The following DHX32 variants were observed in gnomAD, a reference collection of about 807,000 sequenced individuals.
DHX32 encodes DEAH-box helicase 32 (putative).
Under a neutral mutation model 70.0 loss-of-function variants are expected in DHX32, and 51 were observed. That is an observed-to-expected ratio of 0.73 (90% CI 0.58 to 0.92). DHX32 has a LOEUF of 0.92. Among genes scored for constraint, DHX32 ranks in the 40% least tolerant of loss-of-function variants. The pLI is 0.00. For synonymous variants in DHX32, 310 were observed against 315.3 expected, an observed-to-expected ratio of 0.98 and a Z score of 0.18; for missense variants, 762 against 891.8, an observed-to-expected ratio of 0.85 and a Z score of 1.85.
intron 6 of DHX32, among the ~76,000 whole-genome samples, chr10:125,847,857 G>A (rs1378687080): frequency 6.6e-6 from 1 of 151,938 alleles, no homozygotes; most frequent in African/African-American, 2.4e-5. Flanking sequence ...TTCATAATAG[G>A]GTTCGAGCTC....
intron 6 of DHX32, among the ~76,000 whole-genome samples, chr10:125,846,538 T>C (rs1332740743): frequency 1.3e-5 from 2 of 152,196 alleles, no homozygotes; most frequent in Non-Finnish European, 2.9e-5. Context: ...CAGGCACACA[T>C]CTGGGACAGC....
intron 6 of DHX32, among the ~76,000 whole-genome samples, chr10:125,847,871 C>T (rs1026876263): frequency 1.5e-4 from 23 of 152,146 alleles, no homozygotes; most frequent in South Asian, 4.2e-4. Flanking sequence ...CGAGCTCCTA[C>T]GAGAATCCAG....
rs571929672 is a variant in DHX32 at position 125,871,062 on chromosome 10, A to C, written c.283-3879T>G. Among the ~76,000 whole-genome samples, 50 of 152,346 alleles carry C rather than the reference A, an allele frequency of 3.3e-4. No individual in the cohort carries two copies. The South Asian group carries it at 9.7e-3, about 30-fold the overall frequency. On this transcript the variant is annotated intron_variant, in intron 1 of 10. Coordinates refer to ENST00000284690, the MANE Select transcript of DHX32 (RefSeq NM_018180.3). ...AACTCTAAAATTCGACAAGATTCCA[A>C]TGATCATGAGCCATGTTCTCAAGCT...
At chr10:125,879,159 G>T (rs980574437) in intron 1 of DHX32, among the ~76,000 whole-genome samples, 1 of 150,684 alleles carries the variant, frequency 6.6e-6, no homozygotes, top group African/African-American at 2.4e-5. Context: ...GGGTAGCTGG[G>T]ACCACAGGCA....
rs183265954 is a variant in DHX32 at position 125,855,136 on chromosome 10, C to T, written c.850-933G>A. Among the ~76,000 whole-genome samples the T allele has an allele frequency of 1.6e-4, 24 of 151,304 alleles. 1 individual carries two copies. The highest frequency in any genetic ancestry group is 5.6e-4 in the African/African-American group (23 of 41,268). ...ACTCACAAGGCTGAGGCAGGAGAATCACTTGAACCCGGGAGACAGAGGTTG... is the reference window on the plus strand; with the variant it reads ...ACTCACAAGGCTGAGGCAGGAGAATTACTTGAACCCGGGAGACAGAGGTTG... On this transcript the variant is annotated intron_variant, in intron 3 of 10. Transcript: ENST00000284690.
At chr10:125,842,866 A>G (rs879330672) in intron 6 of DHX32, 18 of 743,392 alleles carry the variant, frequency 2.4e-5, no homozygotes, top group Non-Finnish European at 2.6e-5. Context: ...ATGTGGTATT[A>G]TATATGCTCA....
At chr10:125,842,499 A>T (rs900350673) in intron 6 of DHX32, 1 of 152,436 alleles carries the variant, frequency 6.6e-6, no homozygotes, top group African/African-American at 2.4e-5. Flanking sequence ...GGCACTGGGT[A>T]GAAAACACAA....
In DHX32 at chr10:125,881,009, T is replaced by C; in HGVS notation, c.-185A>G. 1 of 664,962 alleles carries C rather than the reference T, an allele frequency of 1.5e-6. No individual in the cohort carries two copies. Among genetic ancestry groups the C allele is most frequent in the Non-Finnish European group, 2.5e-6 (1 of 403,568 alleles). 41.2% of individuals were successfully genotyped at this position (664,962 alleles called of 1,614,324 possible). On this transcript the variant is annotated 5_prime_UTR_variant, in exon 1 of 11. The change abolishes the stop of an existing upstream ORF in the 5' untranslated region. Transcript: ENST00000284690. Reference sequence around the variant, plus strand: ...CTGCATCTGTTCTCCGTTGCTGTGTTACCCACTGTGCTGGCTCACTACAGC... The same window carrying C: ...CTGCATCTGTTCTCCGTTGCTGTGTCACCCACTGTGCTGGCTCACTACAGC...
intron 2 of DHX32, among the ~76,000 whole-genome samples, chr10:125,865,917 C>T (rs1256443831): frequency 3.9e-5 from 6 of 152,174 alleles, no homozygotes; most frequent in Non-Finnish European, 7.3e-5. Flanking sequence ...TCCAGTTTAC[C>T]GAACATCCTC....
chr10:125,878,758 G>T (rs1187793750), intron 1 of DHX32, among the ~76,000 whole-genome samples: 4 of 151,076 alleles, frequency 2.6e-5, no homozygotes, highest in Non-Finnish European at 5.9e-5. Flanking sequence ...ACCCAGGCTG[G>T]AGTGCAGTGA....
At chr10:125,893,377 G>C (rs1025742400) in intron 1 of DHX32, among the ~76,000 whole-genome samples, 1 of 152,162 alleles carries the variant, frequency 6.6e-6, no homozygotes, top group Non-Finnish European at 1.5e-5. Flanking sequence ...CCGAGTAGCT[G>C]GGACTACGGG....
At chr10:125,881,540 C>T (rs1022016680), upstream of DHX32, among the ~76,000 whole-genome samples, 7 of 152,190 alleles carry the variant, frequency 4.6e-5, no homozygotes, top group African/African-American at 1.7e-4. Context: ...TAATGAAAAA[C>T]ATTTTTAAAA....
intron 1 of DHX32, among the ~76,000 whole-genome samples, chr10:125,875,719 C>G (rs1944280114): frequency 6.6e-6 from 1 of 152,168 alleles, no homozygotes; most frequent in African/African-American, 2.4e-5. Flanking sequence ...GAAATTGTAA[C>G]AGTGAGAAAA....
At chr10:125,844,834 T>A (rs1943991227) in intron 6 of DHX32, among the ~76,000 whole-genome samples, 1 of 152,228 alleles carries the variant, frequency 6.6e-6, no homozygotes. Flanking sequence ...AAACATCATC[T>A]TTATTAAGCT....
intron 1 of DHX32, among the ~76,000 whole-genome samples, chr10:125,879,510 T>C (rs1386518592): frequency 6.6e-6 from 1 of 152,208 alleles, no homozygotes; most frequent in Non-Finnish European, 1.5e-5. Flanking sequence ...CTAACCAATT[T>C]AAATGTCTTT....
chr10:125,888,627 A>G, intron 1 of DHX32, among the ~76,000 whole-genome samples: 2 of 152,310 alleles, frequency 1.3e-5, no homozygotes, highest in Non-Finnish European at 2.9e-5. Flanking sequence ...TAAAATTTAT[A>G]ATTTTGTTAT....
chr10:125,884,596 C>A (rs1229894053), upstream of DHX32, among the ~76,000 whole-genome samples: 1 of 152,128 alleles, frequency 6.6e-6, no homozygotes, highest in African/African-American at 2.4e-5. Flanking sequence ...ACAACCTTAA[C>A]AAGGTAGAAT....
intron 9 of DHX32, 81 bp from the exon 10 acceptor site, chr10:125,838,468 CCAAA>C: frequency 5.4e-6 from 7 of 1,303,204 alleles, no homozygotes; most frequent in Non-Finnish European, 7.2e-6. Flanking sequence ...GAAAAAAATA[CCAAA>C]GTATTTTATA....
At chr10:125,839,911 C>G (rs559054567) in intron 8 of DHX32, among the ~76,000 whole-genome samples, 1 of 152,284 alleles carries the variant, frequency 6.6e-6, no homozygotes, top group South Asian at 2.1e-4. Flanking sequence ...TTAGTGTCAC[C>G]CATTCAGCAT....
Sources: allele counts gnomAD v4.1 joint callset (sites outside exome capture counted in the v4.1 genomes callset), GRCh38; gene constraint gnomAD v4.1.1; transcripts MANE v1.5; gene names NCBI Gene and HGNC (gene_info 2026-07-23, HGNC 2026-07-21).